The following ADAMTS17 variants were observed in gnomAD, a reference collection of about 807,000 sequenced individuals.
ADAMTS17 encodes the protein A disintegrin and metalloproteinase with thrombospondin motifs 17.
Under a neutral mutation model 141.5 loss-of-function variants are expected in ADAMTS17, and 113 were observed. The ratio of observed to expected loss-of-function variants is 0.80; its 90% CI spans 0.69 to 0.93. The LOEUF is 0.93. Among genes scored for constraint, ADAMTS17 ranks in the 40% least tolerant of loss-of-function variants. The pLI is 0.00. For missense variants in ADAMTS17, 1,659 were observed against 1,517.9 expected (o/e 1.09, Z -1.54); for synonymous variants, 768 against 630.6 (o/e 1.22, Z -3.27).
At chr15:100,063,570 G>T (rs899779765) in intron 15 of ADAMTS17, 2 of 1,002,838 alleles carry the variant, frequency 2.0e-6, no homozygotes, top group South Asian at 2.7e-5. Flanking sequence ...CAACACAGGC[G>T]TGAAACCAGC....
chr15:100,142,025 T>C (rs934933881), intron 10 of ADAMTS17, among the ~76,000 whole-genome samples: 2 of 152,162 alleles, frequency 1.3e-5, no homozygotes, highest in Non-Finnish European at 2.9e-5. Context: ...ATGAGCAGTT[T>C]CCTAACTAAG....
At chr15:99,977,200 A>G (rs1309146661) in intron 20 of ADAMTS17, among the ~76,000 whole-genome samples, 1 of 150,822 alleles carries the variant, frequency 6.6e-6, no homozygotes, top group Non-Finnish European at 1.5e-5. Flanking sequence ...GTTGATTTAG[A>G]CATCCCTGGC....
chr15:100,264,713 C>A (rs2043647936), intron 4 of ADAMTS17, among the ~76,000 whole-genome samples: 1 of 152,126 alleles, frequency 6.6e-6, no homozygotes, highest in African/African-American at 2.4e-5. Flanking sequence ...GCACCCCATA[C>A]ACCATTAGCC....
intron 18 of ADAMTS17, among the ~76,000 whole-genome samples, chr15:99,999,531 C>T (rs764653404): frequency 1.2e-4 from 18 of 148,886 alleles, no homozygotes; most frequent in Non-Finnish European, 2.4e-4. Context: ...GGGGTGGAGG[C>T]GGAGTGAGGA....
intron 7 of ADAMTS17, among the ~76,000 whole-genome samples, chr15:100,213,055 T>C (rs2041859855): frequency 6.6e-6 from 1 of 152,148 alleles, no homozygotes; most frequent in East Asian, 1.9e-4. Flanking sequence ...ATATATATGA[T>C]TTACAAAGGT....
At chr15:100,285,063 C>T in intron 3 of ADAMTS17, among the ~76,000 whole-genome samples, 1 of 152,214 alleles carries the variant, frequency 6.6e-6, no homozygotes, top group Non-Finnish European at 1.5e-5. Context: ...GAAGGCAAGC[C>T]CAGCAGTTTC....
At chr15:100,289,539 TA>T (rs1357233349) in intron 3 of ADAMTS17, among the ~76,000 whole-genome samples, 1 of 131,026 alleles carries the variant, frequency 7.6e-6, no homozygotes, top group Non-Finnish European at 1.6e-5. Flanking sequence ...CATACACACA[TA>T]CACACACTCA....
intron 15 of ADAMTS17, among the ~76,000 whole-genome samples, chr15:100,060,500 G>A (rs1165856841): frequency 6.6e-6 from 1 of 152,200 alleles, no homozygotes; most frequent in Admixed American, 6.5e-5. Flanking sequence ...CTGAGGGAAG[G>A]GCACTGCTCC....
At chr15:100,327,232 C>T (rs1443370193) in intron 3 of ADAMTS17, among the ~76,000 whole-genome samples, 2 of 152,194 alleles carry the variant, frequency 1.3e-5, no homozygotes, top group South Asian at 4.1e-4. Flanking sequence ...CAAATTCTTG[C>T]ATAAATTAGC....
chr15:100,130,811 TAAAAGAAATG>T lies in ADAMTS17; in HGVS notation c.1721+1186_1721+1195del, dbSNP rs371928451. Among the ~76,000 whole-genome samples, 754 of 152,248 alleles carry T rather than the reference TAAAAGAAATG, an allele frequency of 5.0e-3. 8 individuals carry two copies. Among genetic ancestry groups the T allele is most frequent in the African/African-American group, 0.017 (701 of 41,534 alleles). ...ACACACAAGGCATAAAACAGATCAT[TAAAAGAAATG>T]GTAAGAAATGGGAAGCTTCATTTGA... On this transcript the variant is annotated intron_variant, in intron 12 of 21. Transcript: ENST00000268070.
At chr15:100,159,129 G>A (rs1904892) in intron 8 of ADAMTS17, among the ~76,000 whole-genome samples, 6,898 of 152,054 alleles carry the variant, frequency 0.045, 175 homozygotes, top group Middle Eastern at 0.071. Flanking sequence ...AAATATTTAC[G>A]CAAAAAAATT....
chr15:100,065,242 A>G (rs1046974759), intron 15 of ADAMTS17, among the ~76,000 whole-genome samples: 12 of 152,228 alleles, frequency 7.9e-5, no homozygotes, highest in African/African-American at 2.7e-4. Context: ...AAACATACAT[A>G]TATCATTTTA....
At chr15:100,302,023 G>T (rs1202270582) in intron 3 of ADAMTS17, among the ~76,000 whole-genome samples, 1 of 152,138 alleles carries the variant, frequency 6.6e-6, no homozygotes, top group Non-Finnish European at 1.5e-5. Flanking sequence ...TAGAACAGTT[G>T]CATCACCTAA....
chr15:100,233,018 TA>T (rs1310449887), intron 7 of ADAMTS17, among the ~76,000 whole-genome samples: 6 of 152,098 alleles, frequency 3.9e-5, no homozygotes, highest in African/African-American at 1.4e-4. Context: ...ACTGCACAGA[TA>T]AAAAAGGGTG....
intron 15 of ADAMTS17, among the ~76,000 whole-genome samples, chr15:100,078,133 GGATCA>G (rs1344837846): frequency 6.6e-6 from 1 of 151,638 alleles, no homozygotes; most frequent in African/African-American, 2.4e-5. Context: ...TTATATTCTT[GGATCA>G]GATGACATTG....
intron 8 of ADAMTS17, among the ~76,000 whole-genome samples, chr15:100,157,311 G>C (rs2039482184): frequency 6.6e-6 from 1 of 152,080 alleles, no homozygotes; most frequent in Non-Finnish European, 1.5e-5. Flanking sequence ...TCAAAGAAGA[G>C]GCTTTCCCTC....
At chr15:100,115,680 C>T (rs925342845) in intron 13 of ADAMTS17, among the ~76,000 whole-genome samples, 3 of 152,126 alleles carry the variant, frequency 2.0e-5, no homozygotes, top group African/African-American at 7.2e-5. Flanking sequence ...AGCAGAAGGC[C>T]AAATGCAGAT....
At chr15:100,207,422 C>T (rs192232281) in intron 7 of ADAMTS17, among the ~76,000 whole-genome samples, 77 of 152,294 alleles carry the variant, frequency 5.1e-4, no homozygotes, top group African/African-American at 1.8e-3. Context: ...CAAGCTAATA[C>T]ACCCAGAGTG....
intron 8 of ADAMTS17, among the ~76,000 whole-genome samples, chr15:100,187,880 C>T (rs1478710283): frequency 2.0e-5 from 3 of 152,202 alleles, no homozygotes; most frequent in Admixed American, 2.0e-4. Flanking sequence ...GCAAAGTCAG[C>T]ATTTCACAGA....
Sources: allele counts gnomAD v4.1 joint callset (sites outside exome capture counted in the v4.1 genomes callset), GRCh38; gene constraint gnomAD v4.1.1; transcripts MANE v1.5; gene names NCBI Gene and HGNC (gene_info 2026-07-23, HGNC 2026-07-21).